The following DLGAP1 variants were observed in gnomAD, a reference collection of about 807,000 sequenced individuals.
DLGAP1 encodes disks large-associated protein 1.
Under a neutral mutation model 90.8 loss-of-function variants are expected in DLGAP1, and 11 were observed. That is an observed-to-expected ratio of 0.12 (90% CI 0.08 to 0.20). The LOEUF is 0.20. Among genes scored for constraint, DLGAP1 ranks in the 10% least tolerant of loss-of-function variants. The pLI, the probability that DLGAP1 is intolerant of heterozygous loss-of-function variation, is 1.00. For synonymous variants in DLGAP1, 558 were observed against 540.7 expected (o/e 1.03, Z -0.44); for missense variants, 1,050 against 1,333.8 (o/e 0.79, Z 3.31).
intron 2 of DLGAP1, among the ~76,000 whole-genome samples, chr18:4,133,806 T>C (rs890235486): frequency 4.6e-5 from 7 of 152,136 alleles, no homozygotes; most frequent in African/African-American, 1.7e-4. Context: ...GGAGTGAAGT[T>C]CGTGGGTGAG....
chr18:4,133,093 C>G (rs954926714), intron 2 of DLGAP1, among the ~76,000 whole-genome samples: 1 of 152,156 alleles, frequency 6.6e-6, no homozygotes, highest in African/African-American at 2.4e-5. Flanking sequence ...ACATGACAGG[C>G]TTGCAACACC....
intron 3 of DLGAP1, among the ~76,000 whole-genome samples, chr18:3,958,027 G>T (rs911122441): frequency 2.6e-5 from 4 of 151,760 alleles, no homozygotes; most frequent in African/African-American, 9.7e-5. Context: ...CTGAATAGCT[G>T]GGATTACAGG....
intron 1 of DLGAP1, among the ~76,000 whole-genome samples, chr18:4,405,693 G>A (rs951567329): frequency 6.6e-6 from 1 of 152,048 alleles, no homozygotes; most frequent in South Asian, 2.1e-4. Flanking sequence ...TCACCTAACT[G>A]ACTTATCTTG....
At chr18:4,158,216 C>G (rs1300186398) in intron 1 of DLGAP1, among the ~76,000 whole-genome samples, 1 of 152,058 alleles carries the variant, frequency 6.6e-6, no homozygotes, top group Non-Finnish European at 1.5e-5. Flanking sequence ...AGCAACTATT[C>G]TTATAGTTGC....
At chr18:4,300,090 C>A (rs1307854412) in intron 1 of DLGAP1, among the ~76,000 whole-genome samples, 1 of 152,018 alleles carries the variant, frequency 6.6e-6, no homozygotes, top group Non-Finnish European at 1.5e-5. Context: ...AATAGTGTGT[C>A]CTTTTTATAC....
At chr18:3,576,848 G>C (rs1212543172) in intron 8 of DLGAP1, among the ~76,000 whole-genome samples, 1 of 147,416 alleles carries the variant, frequency 6.8e-6, no homozygotes, top group Non-Finnish European at 1.5e-5. Flanking sequence ...TTACAGGCGT[G>C]AGCCACTACG....
chr18:3,934,898 A>G (rs1221544287), intron 3 of DLGAP1, among the ~76,000 whole-genome samples: 4 of 152,282 alleles, frequency 2.6e-5, no homozygotes, highest in Non-Finnish European at 5.9e-5. Context: ...ATGAAGGATC[A>G]AAAGCACAGG....
At chr18:3,919,347 C>T (rs576320305) in intron 3 of DLGAP1, among the ~76,000 whole-genome samples, 1 of 152,196 alleles carries the variant, frequency 6.6e-6, no homozygotes, top group African/African-American at 2.4e-5. Context: ...CTTTAGTTCA[C>T]TAAAAATGCA....
intron 10 of DLGAP1, among the ~76,000 whole-genome samples, chr18:3,528,302 A>G (rs1180538470): frequency 6.6e-6 from 1 of 152,158 alleles, no homozygotes; most frequent in Admixed American, 6.5e-5. Context: ...GAATTTGGCT[A>G]TGCCTGCCAA....
chr18:3,814,336 CT>C (rs576337335), intron 4 of DLGAP1, 63 bp from the exon 5 acceptor site: 518 of 1,142,704 alleles, frequency 4.5e-4, no homozygotes, highest in Non-Finnish European at 5.0e-4. Context: ...TTTTCTTTTT[CT>C]TTTTTTTTAG....
intron 2 of DLGAP1, among the ~76,000 whole-genome samples, chr18:4,124,508 AAGAT>A (rs2076202547): frequency 2.6e-5 from 4 of 152,212 alleles, no homozygotes; most frequent in Admixed American, 2.6e-4. Context: ...TCTGGCTCGT[AAGAT>A]ACGGAACAGC....
At chr18:3,885,638 A>C (rs1196396562) in intron 3 of DLGAP1, among the ~76,000 whole-genome samples, 2 of 152,236 alleles carry the variant, frequency 1.3e-5, no homozygotes, top group Non-Finnish European at 2.9e-5. Flanking sequence ...GCATGTCTTC[A>C]TGAGGGTTTC....
intron 2 of DLGAP1, among the ~76,000 whole-genome samples, chr18:4,094,263 T>C (rs1568393074): frequency 6.6e-6 from 1 of 152,192 alleles, no homozygotes; most frequent in Non-Finnish European, 1.5e-5. Context: ...ATCTTATCTC[T>C]TTCCTTTTAT....
chr18:3,717,843 G>A (rs571706922), intron 7 of DLGAP1, among the ~76,000 whole-genome samples: 5 of 152,238 alleles, frequency 3.3e-5, no homozygotes, highest in African/African-American at 1.2e-4. Flanking sequence ...CAAAGTGACT[G>A]GTATTTAAAG....
intron 2 of DLGAP1, among the ~76,000 whole-genome samples, chr18:4,101,670 C>A (rs2075780225): frequency 6.6e-6 from 1 of 151,926 alleles, no homozygotes; most frequent in African/African-American, 2.4e-5. Context: ...AGTCTTGCTG[C>A]CAACTCTGAC....
At chr18:4,110,454 C>T (rs921683630) in intron 2 of DLGAP1, among the ~76,000 whole-genome samples, 2 of 152,160 alleles carry the variant, frequency 1.3e-5, no homozygotes, top group African/African-American at 4.8e-5. Flanking sequence ...GGAATGGTAA[C>T]TGACTATAGA....
chr18:3,998,525 T>C lies in DLGAP1; in HGVS notation c.-73+6591A>G, dbSNP rs2074115415. Reference sequence around the variant, plus strand: ...TCTTCAGGGAGCCTGTGATTCCTTTTAGTGGAAAATGGTATGTAGAGAACA... The same window carrying C: ...TCTTCAGGGAGCCTGTGATTCCTTTCAGTGGAAAATGGTATGTAGAGAACA... On this transcript the variant is annotated intron_variant, in intron 3 of 12. Coordinates refer to ENST00000315677, the MANE Select transcript of DLGAP1 (RefSeq NM_004746.4). 3.3e-5 allele frequency among the ~76,000 whole-genome samples: 5 copies of C among 152,264 alleles called. No individual in the cohort carries two copies. The South Asian group carries it at 1.0e-3, about 32-fold the overall frequency.
chr18:3,909,135 T>C (rs1223103805), intron 3 of DLGAP1, among the ~76,000 whole-genome samples: 1 of 152,236 alleles, frequency 6.6e-6, no homozygotes, highest in African/African-American at 2.4e-5. Flanking sequence ...TGAGTGTTTG[T>C]TGCCATGACA....
chr18:4,278,347 T>C (rs974514537), intron 1 of DLGAP1, among the ~76,000 whole-genome samples: 24 of 152,304 alleles, frequency 1.6e-4, no homozygotes, highest in African/African-American at 4.1e-4. Context: ...CATGGATACA[T>C]TGAGCAATGG....
Sources: allele counts gnomAD v4.1 joint callset (sites outside exome capture counted in the v4.1 genomes callset), GRCh38; gene constraint gnomAD v4.1.1; transcripts MANE v1.5; gene names NCBI Gene and HGNC (gene_info 2026-07-23, HGNC 2026-07-21).